The following CALD1 variants were observed in gnomAD, a reference collection of about 807,000 sequenced individuals.
The protein encoded by CALD1 is caldesmon.
In CALD1, 33 loss-of-function variants were observed where a neutral mutation model predicts 99.9. The ratio of observed to expected loss-of-function variants is 0.33; its 90% CI spans 0.25 to 0.44. The LOEUF (loss-of-function observed/expected upper bound fraction) is 0.44, where lower values mean the gene tolerates loss of function less well. Ranked by LOEUF, CALD1 falls within the 20% of genes least tolerant of loss-of-function variation. The probability of loss-of-function intolerance (pLI) is 1.00; values close to 1 mark genes in which losing one functional copy is unlikely to be tolerated. For synonymous variants in CALD1, 310 were observed against 325.0 expected (o/e 0.95, Z 0.50); for missense variants, 861 against 962.1 (o/e 0.89, Z 1.39).
intron 1 of CALD1, among the ~76,000 whole-genome samples, chr7:134,795,863 G>A (rs1797725011): frequency 6.6e-6 from 1 of 152,214 alleles, no homozygotes; most frequent in African/African-American, 2.4e-5. Context: ...TATCCAGAGA[G>A]CTCCCTACGA....
intron 1 of CALD1, among the ~76,000 whole-genome samples, chr7:134,753,355 T>C (rs920761466): frequency 6.6e-6 from 1 of 152,200 alleles, no homozygotes; most frequent in Non-Finnish European, 1.5e-5. Context: ...GAAATTGTTC[T>C]GAGGGAGTGA....
At chr7:134,885,064 G>A (rs1586198274) in intron 3 of CALD1, among the ~76,000 whole-genome samples, 1 of 151,878 alleles carries the variant, frequency 6.6e-6, no homozygotes, top group South Asian at 2.1e-4. Flanking sequence ...TCAGCCTCTG[G>A]AGGGGTTACA....
At chr7:134,911,740 T>C (rs192457581) in intron 3 of CALD1, among the ~76,000 whole-genome samples, 136 of 152,382 alleles carry the variant, frequency 8.9e-4, no homozygotes, top group Non-Finnish European at 1.7e-3. Context: ...TAATGCCATA[T>C]GCCTTTCTTG....
chr7:134,778,099 C>T (rs1234060672), upstream of CALD1, among the ~76,000 whole-genome samples: 1 of 152,204 alleles, frequency 6.6e-6, no homozygotes, highest in Admixed American at 6.5e-5. Context: ...TCATCTCTCC[C>T]TCTGCCTGGG....
intron 13 of CALD1, chr7:134,961,767 G>A (rs1808281574): frequency 6.6e-6 from 1 of 152,052 alleles, no homozygotes; most frequent in Non-Finnish European, 1.5e-5. Context: ...CAAGAATGCG[G>A]GTTTATAAAA....
At chr7:134,799,842 T>C (rs1317763469) in intron 1 of CALD1, among the ~76,000 whole-genome samples, 3 of 152,128 alleles carry the variant, frequency 2.0e-5, no homozygotes, top group Non-Finnish European at 2.9e-5. Context: ...GGTGGCTAGA[T>C]GGAAATTGTG....
chr7:134,779,624 T>C, upstream of CALD1: 1 of 398,698 alleles, frequency 2.5e-6, no homozygotes, highest in Non-Finnish European at 4.4e-6. Flanking sequence ...GGAGTTTTAT[T>C]GAATAGAGCA....
Position 134,793,258 on chromosome 7 carries a change from T to C in CALD1, c.-130+13509T>C, listed in dbSNP as rs117697975. Among the ~76,000 whole-genome samples, 650 of 152,372 alleles carry C rather than the reference T, an allele frequency of 4.3e-3. 11 individuals carry two copies. The South Asian group carries it at 0.044, about 10-fold the overall frequency. On this transcript the variant is annotated intron_variant, in intron 1 of 14. Coordinates refer to ENST00000361675, the MANE Select transcript of CALD1 (RefSeq NM_033138.4). ...GGGTGGCCCTTTTCCGTCATTTTTA[T>C]ATATGCTGATCACAACCACAAATCC...
chr7:134,863,570 G>A (rs1382761617), intron 2 of CALD1, among the ~76,000 whole-genome samples: 1 of 152,164 alleles, frequency 6.6e-6, no homozygotes, highest in Non-Finnish European at 1.5e-5. Flanking sequence ...CACCTAAAAT[G>A]GCTTATCTGC....
At chr7:134,960,696 A>C in intron 13 of CALD1, 68 bp downstream of exon 13, 2 of 1,007,828 alleles carry the variant, frequency 2.0e-6, no homozygotes, top group South Asian at 2.7e-5. Flanking sequence ...GAAAACAAGC[A>C]GTTGGTCTGT....
intron 13 of CALD1, chr7:134,962,852 G>A (rs1361073501): frequency 2.2e-6 from 1 of 456,364 alleles, no homozygotes; most frequent in African/African-American, 2.0e-5. Flanking sequence ...TTGGTCTCTG[G>A]TTGATTGGAA....
At chr7:134,866,512 T>G (rs1339300870) in intron 2 of CALD1, among the ~76,000 whole-genome samples, 8 of 152,176 alleles carry the variant, frequency 5.3e-5, no homozygotes, top group Admixed American at 5.2e-4. Context: ...TGGGGTTTTT[T>G]TAGAGGGGAA....
At chr7:134,757,513 T>C (rs1796739909) in intron 1 of CALD1, among the ~76,000 whole-genome samples, 2 of 152,332 alleles carry the variant, frequency 1.3e-5, no homozygotes, top group African/African-American at 4.8e-5. Flanking sequence ...TGGAGACTTC[T>C]AGCAGTTTCC....
intron 1 of CALD1, among the ~76,000 whole-genome samples, chr7:134,750,978 A>G (rs12531751): frequency 0.13 from 19,789 of 152,114 alleles, 1,532 homozygotes; most frequent in Non-Finnish European, 0.17. Flanking sequence ...CTTCTCCATC[A>G]CTGTATTTTA....
At chr7:134,743,867 C>T (rs115310681), upstream of CALD1, among the ~76,000 whole-genome samples, 528 of 152,254 alleles carry the variant, frequency 3.5e-3, 3 homozygotes, top group African/African-American at 9.3e-3. Context: ...ACTTGTTCCC[C>T]GGGGCAGAAG....
chr7:134,937,868 C>T (rs371015948), intron 6 of CALD1, among the ~76,000 whole-genome samples: 9 of 152,290 alleles, frequency 5.9e-5, no homozygotes, highest in African/African-American at 2.2e-4. Flanking sequence ...AACACTGAAA[C>T]TTAATTTAGC....
chr7:134,881,555 C>T (rs749300457), intron 3 of CALD1, among the ~76,000 whole-genome samples: 4 of 152,090 alleles, frequency 2.6e-5, no homozygotes, highest in African/African-American at 4.8e-5. Context: ...GCATGACGTA[C>T]GTTTATCATG....
rs1797739141 is a variant in CALD1 at position 134,796,233 on chromosome 7, C to A, written c.-130+16484C>A. Among the ~76,000 whole-genome samples the A allele has an allele frequency of 1.3e-5, 2 of 152,186 alleles. 1 individual carries two copies. Among genetic ancestry groups the A allele is most frequent in the South Asian group, 4.1e-4 (2 of 4,836 alleles). On this transcript the variant is annotated intron_variant, in intron 1 of 14. Transcript: ENST00000361675. ...TGTCCACAGCTGATAATCTGTGTGA[C>A]TTTGAATGGCCTCCTTGTGCCTCGG...
At chr7:134,898,344 C>G (rs1201874558) in intron 3 of CALD1, among the ~76,000 whole-genome samples, 1 of 152,164 alleles carries the variant, frequency 6.6e-6, no homozygotes. Context: ...ATTAAACAGT[C>G]TTACTTTTAC....
Sources: allele counts gnomAD v4.1 joint callset (sites outside exome capture counted in the v4.1 genomes callset), GRCh38; gene constraint gnomAD v4.1.1; transcripts MANE v1.5; gene names NCBI Gene and HGNC (gene_info 2026-07-23, HGNC 2026-07-21).